ALCAM: variants seen among roughly 807,000 people sequenced by gnomAD.
ALCAM encodes activated leukocyte cell adhesion molecule.
In ALCAM, 30 loss-of-function variants were observed where a neutral mutation model predicts 70.9. That is an observed-to-expected ratio of 0.42 (90% confidence interval 0.32 to 0.57). ALCAM has a LOEUF of 0.57. Among genes scored for constraint, ALCAM ranks in the 20% least tolerant of loss-of-function variants. ALCAM has a pLI of 0.11. For synonymous variants in ALCAM, 249 were observed against 242.5 expected (o/e 1.03, Z -0.25); for missense variants, 591 against 695.1 (o/e 0.85, Z 1.68).
intron 1 of ALCAM, among the ~76,000 whole-genome samples, chr3:105,370,746 A>G (rs972719007): frequency 6.6e-6 from 1 of 151,814 alleles, no homozygotes; most frequent in Non-Finnish European, 1.5e-5. Flanking sequence ...AAAAGCGTGA[A>G]GGAGAGAAAT....
At chr3:105,537,119 A>G (rs1457991091) in intron 6 of ALCAM, among the ~76,000 whole-genome samples, 1 of 151,992 alleles carries the variant, frequency 6.6e-6, no homozygotes, top group Admixed American at 6.6e-5. Flanking sequence ...CATCTTGAGA[A>G]AGCTTGAGAA....
intron 14 of ALCAM, 26 bp from the exon 15 acceptor site, chr3:105,571,826 A>T: frequency 6.7e-7 from 1 of 1,495,616 alleles, no homozygotes. Flanking sequence ...TGTCAATATG[A>T]TGAAGTTTAT....
Position 105,367,423 on chromosome 3 carries a change from G to T in ALCAM, c.15G>T (p.Gly5=). 1 of 1,613,976 alleles carries T rather than the reference G, an allele frequency of 6.2e-7. No homozygotes were observed. The highest frequency in any genetic ancestry group is 8.5e-7 in the Non-Finnish European group (1 of 1,179,904). Residue 5 remains glycine (G), a synonymous_variant, in exon 1 of 16, where the codon GGG becomes GGT. Coordinates refer to ENST00000306107, the MANE Select transcript of ALCAM (RefSeq NM_001627.4). The part of the protein sequence containing the change: MESK[G]ASSCRLLFCL... The stretch of plus-strand genomic sequence containing the variant: ...GGAGGAGGAATATGGAATCCAAGGG[G>T]GCCAGTTCCTGCCGTCTGCTCTTCT...
At chr3:105,395,866 C>T (rs1455605587) in intron 1 of ALCAM, among the ~76,000 whole-genome samples, 1 of 151,960 alleles carries the variant, frequency 6.6e-6, no homozygotes, top group African/African-American at 2.4e-5. Flanking sequence ...CATTTTGATT[C>T]TAAGGCCATA....
intron 1 of ALCAM, among the ~76,000 whole-genome samples, chr3:105,387,234 TCACA>T (rs141314471): frequency 6.1e-5 from 9 of 148,692 alleles, no homozygotes; most frequent in Admixed American, 3.4e-4. Flanking sequence ...CTTCCCACCC[TCACA>T]CACACACACA....
intron 1 of ALCAM, among the ~76,000 whole-genome samples, chr3:105,380,977 T>A (rs1935505144): frequency 6.6e-6 from 1 of 151,954 alleles, no homozygotes; most frequent in Non-Finnish European, 1.5e-5. Flanking sequence ...GAGAATATGG[T>A]GTCTGTAGCC....
intron 1 of ALCAM, among the ~76,000 whole-genome samples, chr3:105,459,835 T>C (rs1937579448): frequency 6.6e-6 from 1 of 152,112 alleles, no homozygotes; most frequent in African/African-American, 2.4e-5. Context: ...TTTCTCCTCT[T>C]AGTTCCCGCT....
intron 1 of ALCAM, among the ~76,000 whole-genome samples, chr3:105,387,767 C>G (rs183148974): frequency 6.6e-6 from 1 of 151,532 alleles, no homozygotes. Flanking sequence ...GAGACCCAGT[C>G]CTGCCTTTAC....
At chr3:105,485,798 A>C (rs1938413458) in intron 1 of ALCAM, among the ~76,000 whole-genome samples, 2 of 152,118 alleles carry the variant, frequency 1.3e-5, no homozygotes, top group African/African-American at 4.8e-5. Context: ...GATATATGTT[A>C]ATTCAACAGC....
chr3:105,417,248 T>A (rs1936528736), intron 1 of ALCAM, among the ~76,000 whole-genome samples: 1 of 151,860 alleles, frequency 6.6e-6, no homozygotes, highest in Non-Finnish European at 1.5e-5. Flanking sequence ...TTTCCTGATA[T>A]CTTTCCATTT....
chr3:105,480,072 T>A (rs1334668661), intron 1 of ALCAM, among the ~76,000 whole-genome samples: 2 of 152,144 alleles, frequency 1.3e-5, no homozygotes, highest in African/African-American at 4.8e-5. Context: ...AAACACACAG[T>A]TGAAATAAGA....
At chr3:105,497,646 G>A (rs1035794344) in intron 1 of ALCAM, among the ~76,000 whole-genome samples, 2 of 152,060 alleles carry the variant, frequency 1.3e-5, no homozygotes, top group African/African-American at 4.8e-5. Flanking sequence ...ATTCATACGT[G>A]GAAGATTATA....
intron 1 of ALCAM, among the ~76,000 whole-genome samples, chr3:105,452,244 G>A (rs1937446498): frequency 1.3e-5 from 2 of 151,990 alleles, no homozygotes; most frequent in Admixed American, 6.6e-5. Context: ...ACAGGCCCTA[G>A]TATGTGTTTT....
At chr3:105,409,623 G>A (rs1936336910) in intron 1 of ALCAM, among the ~76,000 whole-genome samples, 1 of 151,860 alleles carries the variant, frequency 6.6e-6, no homozygotes, top group African/African-American at 2.4e-5. Flanking sequence ...CTCAGGTGAT[G>A]GGCACAGCAA....
At chr3:105,559,356 G>A (rs142794672) in intron 14 of ALCAM, among the ~76,000 whole-genome samples, 193 of 148,132 alleles carry the variant, frequency 1.3e-3, no homozygotes, top group African/African-American at 4.5e-3. Context: ...TACCATAAAC[G>A]GGGTGGCTTT....
At chr3:105,527,332 C>T (rs373111849) in intron 3 of ALCAM, among the ~76,000 whole-genome samples, 5 of 152,174 alleles carry the variant, frequency 3.3e-5, no homozygotes, top group East Asian at 1.9e-4. Flanking sequence ...AGTCACTGAG[C>T]GGGTCACCAG....
At chr3:105,476,102 C>A (rs1300211884) in intron 1 of ALCAM, among the ~76,000 whole-genome samples, 2 of 151,972 alleles carry the variant, frequency 1.3e-5, no homozygotes, top group African/African-American at 4.8e-5. Context: ...TCTGAGTTTT[C>A]ATTTTCATGC....
intron 1 of ALCAM, among the ~76,000 whole-genome samples, chr3:105,419,683 A>G (rs1936596071): frequency 6.6e-6 from 1 of 151,850 alleles, no homozygotes; most frequent in Non-Finnish European, 1.5e-5. Flanking sequence ...ATGGCAGACT[A>G]GAAAGTATTA....
At chr3:105,407,673 C>T (rs1576142201) in intron 1 of ALCAM, among the ~76,000 whole-genome samples, 1 of 152,090 alleles carries the variant, frequency 6.6e-6, no homozygotes, top group East Asian at 1.9e-4. Flanking sequence ...ATAAGGATGC[C>T]CACTTTCACC....
Sources: allele counts gnomAD v4.1 joint callset (sites outside exome capture counted in the v4.1 genomes callset), GRCh38; gene constraint gnomAD v4.1.1; transcripts MANE v1.5; gene names NCBI Gene and HGNC (gene_info 2026-07-23, HGNC 2026-07-21).